The following DRC8 variants were observed in gnomAD, a reference collection of about 807,000 sequenced individuals.
DRC8 encodes the protein dynein regulatory complex subunit 8.
At chr1:245,059,077 C>T in the DRC8 span, among the ~76,000 whole-genome samples, 1 of 152,222 alleles carries the variant, frequency 6.6e-6, no homozygotes, top group Non-Finnish European at 1.5e-5. Context: ...GGTGTGGAAA[C>T]TGAGGCTCAA....
the DRC8 span, among the ~76,000 whole-genome samples, chr1:245,037,725 TA>T: frequency 6.6e-6 from 1 of 152,146 alleles, no homozygotes; most frequent in East Asian, 1.9e-4. Flanking sequence ...GATATATGAT[TA>T]AATATCTGGA....
At chr1:245,089,929 A>C in the DRC8 span, among the ~76,000 whole-genome samples, 1 of 152,052 alleles carries the variant, frequency 6.6e-6, no homozygotes, top group South Asian at 2.1e-4. This position sits in a 1 kb window ranked among gnomAD's most constrained non-coding sequence, Gnocchi z 4.8. Flanking sequence ...TTTGGAGAGG[A>C]AGGTAGTAGG....
chr1:245,047,644 A>C, the DRC8 span, among the ~76,000 whole-genome samples: 1 of 149,474 alleles, frequency 6.7e-6, no homozygotes, highest in African/African-American at 2.5e-5. Flanking sequence ...CCAAAAAAAA[A>C]AAAAAACGAA....
At chr1:245,051,777 T>G in the DRC8 span, among the ~76,000 whole-genome samples, 43 of 152,190 alleles carry the variant, frequency 2.8e-4, no homozygotes, top group South Asian at 8.3e-4. Flanking sequence ...AAGAAAATAA[T>G]GAAGATGCTG....
At chr1:245,052,028 G>C in the DRC8 span, among the ~76,000 whole-genome samples, 3 of 152,056 alleles carry the variant, frequency 2.0e-5, no homozygotes, top group Non-Finnish European at 4.4e-5. Context: ...TGGGTGATAA[G>C]GACGTTTTCT....
the DRC8 span, among the ~76,000 whole-genome samples, chr1:245,081,003 G>T: frequency 6.6e-6 from 1 of 152,164 alleles, no homozygotes; most frequent in Non-Finnish European, 1.5e-5. Context: ...CTCCCCTGCT[G>T]TCTCTGTCTC....
chr1:245,058,631 A>G, the DRC8 span, among the ~76,000 whole-genome samples: 1 of 152,240 alleles, frequency 6.6e-6, no homozygotes, highest in Non-Finnish European at 1.5e-5. Flanking sequence ...ATAATTTTGA[A>G]TGGAAGTATT....
the DRC8 span, among the ~76,000 whole-genome samples, chr1:245,000,065 T>G: frequency 6.6e-6 from 1 of 152,210 alleles, no homozygotes; most frequent in Non-Finnish European, 1.5e-5. Flanking sequence ...GTGATCCACC[T>G]GCCTCAGCCT....
chr1:245,037,151 A>G, the DRC8 span, among the ~76,000 whole-genome samples: 2 of 152,228 alleles, frequency 1.3e-5, no homozygotes, highest in African/African-American at 4.8e-5. Flanking sequence ...CATCTCTTTC[A>G]GAGAATACAA....
the DRC8 span, among the ~76,000 whole-genome samples, chr1:245,027,352 GAGGAA>G: frequency 2.0e-5 from 3 of 152,048 alleles, no homozygotes; most frequent in African/African-American, 7.2e-5. Context: ...AAGGAAGAAG[GAGGAA>G]AGGAAAGGAA....
the DRC8 span, among the ~76,000 whole-genome samples, chr1:245,031,607 A>C: frequency 6.6e-6 from 1 of 152,258 alleles, no homozygotes; most frequent in South Asian, 2.1e-4. Flanking sequence ...ATTTTATGTG[A>C]GCCGTCTCCA....
the DRC8 span, among the ~76,000 whole-genome samples, chr1:245,117,761 G>T: frequency 6.6e-6 from 1 of 152,284 alleles, no homozygotes; most frequent in South Asian, 2.1e-4. Flanking sequence ...TTGAGGCCAG[G>T]AGTTCAAGAC....
the DRC8 span, among the ~76,000 whole-genome samples, chr1:244,975,442 A>G: frequency 1.3e-5 from 2 of 152,246 alleles, no homozygotes; most frequent in African/African-American, 2.4e-5. Context: ...GATGCTAAAC[A>G]TAAGTAGCTT....
At chr1:244,993,685 C>T in the DRC8 span, among the ~76,000 whole-genome samples, 12 of 152,128 alleles carry the variant, frequency 7.9e-5, no homozygotes, top group East Asian at 1.5e-3. Context: ...CTGGAAAGTC[C>T]GAGATTGAGG....
chr1:244,976,743 A>G, the DRC8 span, among the ~76,000 whole-genome samples: 1 of 152,140 alleles, frequency 6.6e-6, no homozygotes, highest in Non-Finnish European at 1.5e-5. Flanking sequence ...GTTCCTCAGA[A>G]AGTTAAAAGT....
At chr1:245,030,178 A>G in the DRC8 span, among the ~76,000 whole-genome samples, 8 of 152,226 alleles carry the variant, frequency 5.3e-5, no homozygotes, top group Non-Finnish European at 8.8e-5. Context: ...TAGCTTTGAA[A>G]TATAGAATGG....
the DRC8 span, among the ~76,000 whole-genome samples, chr1:245,078,804 C>T: frequency 6.6e-6 from 1 of 152,138 alleles, no homozygotes; most frequent in African/African-American, 2.4e-5. Context: ...GAGTAGTTCT[C>T]AAGTATTCTC....
chr1:244,973,911 C>T, the DRC8 span, among the ~76,000 whole-genome samples: 2 of 152,076 alleles, frequency 1.3e-5, no homozygotes, highest in South Asian at 2.1e-4. Context: ...AGATTATGTA[C>T]GTTGAAGTTG....
At chr1:245,000,705 C>A in the DRC8 span, among the ~76,000 whole-genome samples, 1 of 151,690 alleles carries the variant, frequency 6.6e-6, no homozygotes, top group Non-Finnish European at 1.5e-5. Flanking sequence ...GGCGTGAACC[C>A]TGGAGGCGGA....
Sources: gnomAD v4.1 joint callset for allele counts (sites outside exome capture counted in the v4.1 genomes callset) on GRCh38, gnomAD v4.1.1 for gene constraint, Gnocchi (gnomAD v3.1) non-coding constraint, MANE v1.5 for transcripts, NCBI Gene and HGNC (gene_info 2026-07-23, HGNC 2026-07-21) for gene names.